Variants in SEMA6A observed in about 807,000 individuals in gnomAD.
The protein encoded by SEMA6A is semaphorin-6A.
A neutral mutation model predicts 96.8 loss-of-function variants in SEMA6A; 25 were observed. The observed-to-expected ratio is 0.26, with a 90% CI of 0.19 to 0.36. The LOEUF (loss-of-function observed/expected upper bound fraction) is 0.36. Among genes scored for constraint, SEMA6A ranks in the 10% least tolerant of loss-of-function variants. The pLI, the probability that SEMA6A is intolerant of heterozygous loss-of-function variation, is 1.00. For synonymous variants in SEMA6A, 612 were observed against 518.0 expected, an observed-to-expected ratio of 1.18 and a Z score of -2.46; for missense variants, 1,363 against 1,323.1, an observed-to-expected ratio of 1.03 and a Z score of -0.47.
At position 116,502,262 on chromosome 5, in the gene SEMA6A, G is replaced by C; in HGVS notation, c.166C>G (p.Leu56Val). The C allele has an allele frequency of 6.2e-7, 1 of 1,614,000 alleles. No individual in the cohort carries two copies. Among genetic ancestry groups the C allele is most frequent in the Non-Finnish European group, 8.5e-7 (1 of 1,179,880 alleles). Residue 56 changes from leucine to valine, a missense_variant, in exon 3 of 19, where the codon CTG becomes GTG. By Grantham distance (32) the Leu-to-Val change is conservative. Transcript: ENST00000343348. ...ATGATCATAATCATCTGGATGTCCA[G>C]CCTGTGCCTCTGTGTGGTGTTCCGT... is the stretch of plus-strand genomic sequence containing the variant. The part of the protein sequence containing the change: ...PGRNTTQRHR[L>V]DIQMIMIMNG...
intron 1 of SEMA6A, among the ~76,000 whole-genome samples, chr5:116,566,009 G>T (rs1761011418): frequency 6.9e-6 from 1 of 145,782 alleles, no homozygotes; most frequent in Non-Finnish European, 1.5e-5. Context: ...ATAGGAACAG[G>T]GAAAGAAGAA....
chr5:116,453,678 G>A (rs1195009520), intron 18 of SEMA6A, among the ~76,000 whole-genome samples: 4 of 152,078 alleles, frequency 2.6e-5, no homozygotes, highest in Non-Finnish European at 5.9e-5. Flanking sequence ...GCTAACTTTC[G>A]GCTTGCTCTG....
At position 116,446,522 on chromosome 5, in the gene SEMA6A, G is replaced by T; in HGVS notation, c.*91C>A. 1 of 1,120,000 alleles carries T rather than the reference G, an allele frequency of 8.9e-7. No individual in the cohort carries two copies. The highest frequency in any genetic ancestry group is 1.2e-6 in the Non-Finnish European group (1 of 810,356). 69.4% of individuals were successfully genotyped at this position (1,120,000 alleles called of 1,614,324 possible). ...CTCTGCCGCAGGCCTTCTTGGTCTG[G>T]TGGGTACTCGAGGCAGTTGAGAACC... is the stretch of plus-strand genomic sequence containing the variant. On this transcript the variant is annotated 3_prime_UTR_variant, in exon 19 of 19. Transcript: ENST00000343348.
At chr5:116,480,028 G>C (rs548169746) in intron 12 of SEMA6A, 94 bp downstream of exon 12, 142 of 1,429,004 alleles carry the variant, frequency 9.9e-5, no homozygotes, top group Middle Eastern at 7.4e-4. Flanking sequence ...AGCAGAAGAT[G>C]TTTGTGGCAT....
chr5:116,449,360 C>T, intron 18 of SEMA6A: 1 of 702,370 alleles, frequency 1.4e-6, no homozygotes, highest in Non-Finnish European at 2.6e-6. Flanking sequence ...ACTAAATCAA[C>T]TCTTTCTGGA....
intron 3 of SEMA6A, among the ~76,000 whole-genome samples, chr5:116,497,729 G>A (rs1004699385): frequency 9.2e-5 from 14 of 152,284 alleles, no homozygotes; most frequent in African/African-American, 3.1e-4. Context: ...AGATGGATTC[G>A]TGTGCCCTTT....
chr5:116,541,811 C>G (rs755304411), intron 1 of SEMA6A, among the ~76,000 whole-genome samples: 3 of 152,146 alleles, frequency 2.0e-5, no homozygotes, highest in Admixed American at 6.5e-5. Flanking sequence ...CCAGCCTGGG[C>G]GACAGAATGG....
chr5:116,449,586 C>G, intron 18 of SEMA6A: 1 of 498,618 alleles, frequency 2.0e-6, no homozygotes, highest in Non-Finnish European at 3.5e-6. Flanking sequence ...ACCCAGAAAC[C>G]TTAGCCTGAA....
chr5:116,546,220 G>A (rs1444474611), intron 1 of SEMA6A, among the ~76,000 whole-genome samples: 3 of 152,204 alleles, frequency 2.0e-5, no homozygotes, highest in Non-Finnish European at 2.9e-5. Flanking sequence ...TCTTACGCAA[G>A]TACTGGCTTC....
rs1430377816 is a variant in SEMA6A at position 116,477,840 on chromosome 5, G to T, written c.1649+6C>A. 6.2e-7 allele frequency: 1 copy of T among 1,613,502 alleles called. No individual in the cohort carries two copies. The highest frequency in any genetic ancestry group is 1.1e-5 in the South Asian group (1 of 91,060). On this transcript the variant is annotated splice_donor_region_variant and intron_variant, in intron 15 of 18. Transcript: ENST00000343348. Reference sequence around the variant, plus strand: ...TTCACCCTCTCCCACACCTCAGGCTGCCTACCTGCTGTTGGGTGATAAATG... The same window carrying T: ...TTCACCCTCTCCCACACCTCAGGCTTCCTACCTGCTGTTGGGTGATAAATG...
chr5:116,570,102 A>T (rs1761149377), intron 1 of SEMA6A, among the ~76,000 whole-genome samples: 1 of 152,204 alleles, frequency 6.6e-6, no homozygotes, highest in Non-Finnish European at 1.5e-5. Context: ...CATGGTGAGA[A>T]GTTGTCCTGA....
intron 1 of SEMA6A, among the ~76,000 whole-genome samples, chr5:116,545,172 G>C (rs1301866564): frequency 6.6e-6 from 1 of 152,148 alleles, no homozygotes; most frequent in Non-Finnish European, 1.5e-5. Flanking sequence ...TCATATCCCT[G>C]CTCTCTTTGA....
chr5:116,514,184 CCT>C (rs775718835), intron 1 of SEMA6A, among the ~76,000 whole-genome samples: 1 of 152,130 alleles, frequency 6.6e-6, no homozygotes. Flanking sequence ...GGTATTTCTG[CCT>C]CTGTCTTTGA....
chr5:116,511,545 A>G (rs4920916), intron 1 of SEMA6A, among the ~76,000 whole-genome samples: 46,843 of 152,156 alleles, frequency 0.31, 10,135 homozygotes, highest in African/African-American at 0.61. Context: ...CATAAAAGGA[A>G]ACTGCACTTA....
At chr5:116,492,380 G>A (rs1466101750) in intron 6 of SEMA6A, 1 of 152,128 alleles carries the variant, frequency 6.6e-6, no homozygotes, top group Admixed American at 6.6e-5. Flanking sequence ...CGGTTTGTGA[G>A]GTTGGAAAGG....
In SEMA6A at chr5:116,491,735, C is replaced by T. The variant is rs1757337117; in HGVS notation, c.535+5G>A. Reference sequence around the variant, plus strand: ...AGTGCAACGAGGAGAAATCAGGTCGCTTACCTGCAAACAGTGCAACGTTGG... The same window carrying T: ...AGTGCAACGAGGAGAAATCAGGTCGTTTACCTGCAAACAGTGCAACGTTGG... On this transcript the variant is annotated splice_donor_5th_base_variant and intron_variant, in intron 7 of 18. Coordinates refer to ENST00000343348, the MANE Select transcript of SEMA6A (RefSeq NM_020796.5). 1.2e-6 allele frequency: 2 copies of T among 1,612,186 alleles called. No homozygotes were observed. Among genetic ancestry groups the T allele is most frequent in the African/African-American group, 1.3e-5 (1 of 74,876 alleles).
intron 1 of SEMA6A, among the ~76,000 whole-genome samples, chr5:116,548,606 C>G (rs1229690441): frequency 6.6e-6 from 1 of 152,120 alleles, no homozygotes; most frequent in Non-Finnish European, 1.5e-5. Context: ...TTCTTCAGCT[C>G]AAGAGTTTTA....
chr5:116,488,757 T>C, intron 8 of SEMA6A, 131 bp downstream of exon 8: 1 of 1,166,200 alleles, frequency 8.6e-7, no homozygotes, highest in Non-Finnish European at 1.1e-6. Flanking sequence ...AAAGATGCAA[T>C]TTACATGTTT....
intron 17 of SEMA6A, chr5:116,468,626 C>A (rs2078288724): frequency 6.6e-6 from 1 of 152,188 alleles, no homozygotes; most frequent in Admixed American, 6.5e-5. Flanking sequence ...GCTCTCCCTC[C>A]ATCATTCCAC....
Sources: allele counts gnomAD v4.1 joint callset (sites outside exome capture counted in the v4.1 genomes callset), GRCh38; gene constraint gnomAD v4.1.1; transcripts MANE v1.5; gene names NCBI Gene and HGNC (gene_info 2026-07-23, HGNC 2026-07-21).